The following UBE2J2 variants were observed in gnomAD, a reference collection of about 807,000 sequenced individuals.
The protein encoded by UBE2J2 is ubiquitin conjugating enzyme E2 J2.
In UBE2J2, 5 loss-of-function variants were observed where a neutral mutation model predicts 28.6. The ratio of observed to expected loss-of-function variants is 0.17; its 90% confidence interval spans 0.09 to 0.37. The LOEUF (loss-of-function observed/expected upper bound fraction) is 0.37, where lower values mean the gene tolerates loss of function less well. Ranked by LOEUF, UBE2J2 falls within the 10% of genes least tolerant of loss-of-function variation. The pLI is 1.00. For synonymous variants in UBE2J2, 138 were observed against 139.7 expected, an observed-to-expected ratio of 0.99 and a Z score of 0.09; for missense variants, 226 against 338.9, an observed-to-expected ratio of 0.67 and a Z score of 2.62.
At position 1,257,818 on chromosome 1, in the gene UBE2J2, C is replaced by T. The variant is rs953808894; in HGVS notation, c.173-508G>A. ...CAACTGCACCCAAAGGCCAGCAAAA[C>T]GCACCTCAAACACACCACTCTCCAC... On this transcript the variant is annotated intron_variant, in intron 3 of 6. Coordinates refer to ENST00000349431, the MANE Select transcript of UBE2J2 (RefSeq NM_058167.3). 7.9e-5 allele frequency among the ~76,000 whole-genome samples: 12 copies of T among 152,018 alleles called. No homozygotes were observed. The East Asian group carries it at 2.1e-3, about 27-fold the overall frequency.
In UBE2J2 at chr1:1,255,356, C is replaced by T. The variant is rs948625865; in HGVS notation, c.627G>A (p.Ala209=). ...CTGCGAGGTTTGGGACGGCCCCCGG[C>T]GCATGCCCGTTGAGCAGCTGAATCC... ...QNGIQLLNGH[A]PGAVPNLAGL... The change falls in exon 7 of 7, where the codon GCG becomes GCA. Residue 209 remains alanine, a synonymous_variant. Transcript: ENST00000349431. 8 of 1,613,694 alleles carry T rather than the reference C, an allele frequency of 5.0e-6. No individual in the cohort carries two copies. Among genetic ancestry groups the T allele is most frequent in the Admixed American group, 1.7e-5 (1 of 60,012 alleles).
intron 1 of UBE2J2, chr1:1,273,010 C>T (rs1048852954): frequency 6.6e-6 from 1 of 152,484 alleles, no homozygotes; most frequent in African/African-American, 2.4e-5. Context: ...CTGGGTCTGG[C>T]AAGAGGATGG....
chr1:1,271,118 C>T (rs1379099235), intron 1 of UBE2J2, among the ~76,000 whole-genome samples: 2 of 152,242 alleles, frequency 1.3e-5, no homozygotes, highest in Non-Finnish European at 2.9e-5. Flanking sequence ...TGGGCCCCAG[C>T]GGGTTCCTCT....
intron 1 of UBE2J2, chr1:1,272,889 T>A (rs952541434): frequency 1.3e-5 from 2 of 153,164 alleles, no homozygotes; most frequent in South Asian, 3.8e-4. Context: ...ACAGTCTGGT[T>A]CCCCTGGAGC....
chr1:1,256,888 G>GAAAAAA (rs57305655), intron 5 of UBE2J2, 104 bp downstream of exon 5: 18 of 513,832 alleles, frequency 3.5e-5, no homozygotes, highest in African/African-American at 6.9e-5. Flanking sequence ...TCCGTCTCAA[G>GAAAAAA]AAAAAAAAAA....
At chr1:1,257,444 T>G (rs1281828415) in intron 3 of UBE2J2, 134 bp from the exon 4 acceptor site, 34 of 484,100 alleles carry the variant, frequency 7.0e-5, no homozygotes, top group Non-Finnish European at 1.4e-5. Context: ...GCACTCTCCG[T>G]CCCCAGCCGG....
At chr1:1,257,496 AC>A in intron 3 of UBE2J2, among the ~76,000 whole-genome samples, 186 bp from the exon 4 acceptor site, 1 of 136,966 alleles carries the variant, frequency 7.3e-6, no homozygotes, top group East Asian at 2.3e-4. Context: ...CTCCACTACC[AC>A]CCACTGTCAT....
intron 5 of UBE2J2, 52 bp downstream of exon 5, chr1:1,256,940 G>A: frequency 9.1e-7 from 1 of 1,094,624 alleles, no homozygotes; most frequent in Non-Finnish European, 1.2e-6. Context: ...ACAGAGAACA[G>A]CCCCCCAGAC....
chr1:1,258,656 C>T (rs1274278579), intron 3 of UBE2J2, among the ~76,000 whole-genome samples: 4 of 152,232 alleles, frequency 2.6e-5, no homozygotes, highest in East Asian at 1.9e-4. Context: ...AGCGCCCAGA[C>T]GCCCCCATCC....
At position 1,266,117 on chromosome 1, in the gene UBE2J2, G is replaced by A; in HGVS notation, c.131+1745C>T. The A allele has an allele frequency of 3.8e-6, 5 of 1,304,112 alleles. 1 individual carries two copies. The South Asian group carries it at 6.2e-5, about 16-fold the overall frequency. The allele number at this position is 1,304,112 out of a possible 1,614,324, so 80.8% of individuals were successfully genotyped here. On this transcript the variant is annotated intron_variant, in intron 2 of 6. Transcript: ENST00000349431. ...TCTCACCTGCCAGCGATGTCCTGGG[G>A]CCACATGTGATTTTCAACACTGGGG...
chr1:1,261,119 G>A (rs765413084), intron 3 of UBE2J2, among the ~76,000 whole-genome samples: 5 of 152,254 alleles, frequency 3.3e-5, no homozygotes, highest in Non-Finnish European at 5.9e-5. Context: ...ACTGAGGACT[G>A]AGAACAGCCC....
At chr1:1,256,731 A>G (rs1050775339) in intron 5 of UBE2J2, among the ~76,000 whole-genome samples, 2 of 151,694 alleles carry the variant, frequency 1.3e-5, no homozygotes, top group African/African-American at 4.8e-5. Context: ...AATACAAAAA[A>G]AAAAATTAGC....
intron 3 of UBE2J2, among the ~76,000 whole-genome samples, chr1:1,260,497 T>C (rs1293412392): frequency 6.6e-6 from 1 of 151,916 alleles, no homozygotes; most frequent in African/African-American, 2.4e-5. Flanking sequence ...CGCGCACACC[T>C]ATCGGGAAGC....
At chr1:1,256,222 G>C in intron 5 of UBE2J2, 97 bp from the exon 6 acceptor site, 3 of 878,004 alleles carry the variant, frequency 3.4e-6, no homozygotes, top group Non-Finnish European at 5.5e-6. Context: ...TGCAGTCTTC[G>C]TGTTGCAGAA....
At chr1:1,259,828 G>A (rs1639449896) in intron 3 of UBE2J2, among the ~76,000 whole-genome samples, 1 of 152,162 alleles carries the variant, frequency 6.6e-6, no homozygotes, top group Non-Finnish European at 1.5e-5. Flanking sequence ...AAACCCACCA[G>A]TTAAAACTCC....
chr1:1,266,459 G>A (rs576116341), intron 2 of UBE2J2, among the ~76,000 whole-genome samples: 1 of 152,174 alleles, frequency 6.6e-6, no homozygotes, highest in South Asian at 2.1e-4. Context: ...CAGGGAGGCG[G>A]AGGTCACAGT....
rs1640287210 is a variant in UBE2J2, at chr1:1,273,708, C to T, written c.-43G>A. On this transcript the variant is annotated 5_prime_UTR_variant, in exon 1 of 7. Transcript: ENST00000349431. ...CGTGGGCCGCCGCCGCGCTCAGGCT[C>T]GCCGTAGTCGAGGCCGGAGCAGGGT... The T allele has an allele frequency of 6.6e-6, 1 of 152,628 alleles. No individual in the cohort carries two copies. The highest frequency in any genetic ancestry group is 1.8e-4 in the South Asian group (1 of 5,512). 9.5% of individuals were successfully genotyped at this position (152,628 alleles called of 1,614,324 possible). A position where few individuals can be genotyped will look rare whatever the true frequency, so the allele number is the denominator to read the frequency against.
chr1:1,257,593 G>A (rs898741560), intron 3 of UBE2J2, among the ~76,000 whole-genome samples: 4 of 149,048 alleles, frequency 2.7e-5, no homozygotes, highest in East Asian at 2.0e-4. Context: ...GGGAGCTCGA[G>A]ACAACCACAG....
chr1:1,271,989 A>AT (rs1454775506), intron 1 of UBE2J2, among the ~76,000 whole-genome samples: 1 of 149,024 alleles, frequency 6.7e-6, no homozygotes. Context: ...AAAAAAAAAA[A>AT]AAAAAAAAAA....
Sources: allele counts gnomAD v4.1 joint callset (sites outside exome capture counted in the v4.1 genomes callset), GRCh38; gene constraint gnomAD v4.1.1; transcripts MANE v1.5; gene names NCBI Gene and HGNC (gene_info 2026-07-23, HGNC 2026-07-21).